The following PGR variants were observed in gnomAD, a reference collection of about 807,000 sequenced individuals.
The protein encoded by PGR is progesterone receptor.
PGR carries 25 observed loss-of-function variants against 76.1 expected under a neutral mutation model. That is an observed-to-expected ratio of 0.33 (90% confidence interval 0.24 to 0.46). The LOEUF (loss-of-function observed/expected upper bound fraction) is 0.46. PGR is among the 20% of genes least tolerant of loss of function. PGR has a pLI of 1.00. For missense variants in PGR, 1,172 were observed against 1,225.3 expected, an observed-to-expected ratio of 0.96 and a Z score of 0.65; for synonymous variants, 579 against 535.0, an observed-to-expected ratio of 1.08 and a Z score of -1.14.
intron 3 of PGR, among the ~76,000 whole-genome samples, chr11:101,077,753 G>T (rs1011936593): frequency 2.0e-5 from 3 of 152,168 alleles, no homozygotes; most frequent in Non-Finnish European, 4.4e-5. Context: ...AGACTGATGA[G>T]AAGGACATCA....
chr11:101,054,998 G>A (rs1860236394), intron 4 of PGR, among the ~76,000 whole-genome samples: 1 of 151,916 alleles, frequency 6.6e-6, no homozygotes, highest in Non-Finnish European at 1.5e-5. Context: ...TAGAACTGAA[G>A]TATAAAAAAT....
Position 101,128,517 on chromosome 11 carries a change from A to G in PGR, c.554T>C (p.Leu185Pro), listed in dbSNP as rs1163518231. The G allele has an allele frequency of 6.2e-7, 1 of 1,603,026 alleles. No homozygotes were observed. Among genetic ancestry groups the G allele is most frequent in the Non-Finnish European group, 8.5e-7 (1 of 1,177,950 alleles). The change falls in exon 1 of 8, where the codon CTG (leucine) becomes CCG (proline). Residue 185 changes from leucine to proline, a missense_variant. This residue lies in a region of PGR where 893 missense variants were observed against 785.9 expected (regional missense o/e 1.14). Transcript: ENST00000325455. ...CCGGGCTGGTGACAGGCCCCGGGGC[A>G]GCACTTTATGGGCAGCTGCCGTCCC... ...SSGTAAAHKVLPRGLSPARQL... is the reference protein window; with the variant it reads ...SSGTAAAHKVPPRGLSPARQL...
intron 2 of PGR, among the ~76,000 whole-genome samples, chr11:101,105,686 C>T (rs973995005): frequency 6.6e-6 from 1 of 152,082 alleles, no homozygotes; most frequent in African/African-American, 2.4e-5. Context: ...TTATCCCCAT[C>T]AAGCTACCAC....
intron 3 of PGR, among the ~76,000 whole-genome samples, chr11:101,077,179 C>T (rs1861156981): frequency 6.6e-6 from 1 of 151,998 alleles, no homozygotes; most frequent in Non-Finnish European, 1.5e-5. Flanking sequence ...AATTTATAGA[C>T]AGTCATCCTT....
At chr11:101,126,229 A>G in intron 1 of PGR, 71 bp from the exon 2 acceptor site, 1 of 1,408,090 alleles carries the variant, frequency 7.1e-7, no homozygotes, top group East Asian at 2.3e-5. Context: ...GGTTTCTTAA[A>G]CCAGTATTAA....
chr11:101,104,247 G>A (rs1487263245), intron 2 of PGR, among the ~76,000 whole-genome samples: 1 of 152,068 alleles, frequency 6.6e-6, no homozygotes, highest in Non-Finnish European at 1.5e-5. Flanking sequence ...GGATATTTAT[G>A]GGTTGCATAT....
chr11:101,092,475 T>G (rs2135457804), intron 2 of PGR, among the ~76,000 whole-genome samples: 1 of 152,234 alleles, frequency 6.6e-6, no homozygotes, highest in South Asian at 2.1e-4. Flanking sequence ...GAAAATACCT[T>G]GAACAGAAAT....
chr11:101,078,921 T>C lies in PGR; in HGVS notation c.1906+12839A>G, dbSNP rs180869911. 1.1e-4 allele frequency among the ~76,000 whole-genome samples: 16 copies of C among 152,174 alleles called. 1 individual carries two copies. Among genetic ancestry groups the C allele is most frequent in the Admixed American group, 9.8e-4 (15 of 15,272 alleles). On this transcript the variant is annotated intron_variant, in intron 3 of 7. Transcript: ENST00000325455. ...CTTAACCATAACAGCATGATATTGG[T>C]ATAAAAACAGACACAAAGACCAATG...
intron 4 of PGR, among the ~76,000 whole-genome samples, chr11:101,057,449 T>A (rs1860334671): frequency 6.6e-6 from 1 of 152,104 alleles, no homozygotes; most frequent in Non-Finnish European, 1.5e-5. Context: ...CCCTTGGATA[T>A]TGAGGCCATG....
intron 2 of PGR, among the ~76,000 whole-genome samples, chr11:101,114,806 G>A (rs1011733753): frequency 6.6e-6 from 1 of 151,906 alleles, no homozygotes; most frequent in African/African-American, 2.4e-5. Flanking sequence ...TCCCCAGACT[G>A]TTTTCCTTGT....
chr11:101,044,026 CT>C (rs1737184703), intron 6 of PGR, among the ~76,000 whole-genome samples: 1 of 152,160 alleles, frequency 6.6e-6, no homozygotes, highest in African/African-American at 2.4e-5. Context: ...TCATTAGCCC[CT>C]AACAAGAGAG....
intron 2 of PGR, among the ~76,000 whole-genome samples, chr11:101,122,766 A>C: frequency 6.6e-6 from 1 of 152,076 alleles, no homozygotes; most frequent in East Asian, 1.9e-4. Flanking sequence ...AGTCATCCAG[A>C]ATGACTTTAT....
intron 2 of PGR, among the ~76,000 whole-genome samples, chr11:101,092,357 G>GA (rs1861701693): frequency 6.6e-6 from 1 of 152,088 alleles, no homozygotes; most frequent in South Asian, 2.1e-4. Context: ...AGTTCTATTG[G>GA]AAAAATCCCA....
Position 101,051,543 on chromosome 11 carries a change from G to T in PGR, c.2238C>A (p.Asp746Glu), listed in dbSNP as rs199796213. The T allele has an allele frequency of 6.2e-7, 1 of 1,609,110 alleles. No homozygotes were observed. The highest frequency in any genetic ancestry group is 8.5e-7 in the Non-Finnish European group (1 of 1,175,942). The part of the protein sequence containing the change: ...LPGFRNLHID[D>E]QITLIQYSWM... ...AAGAATACTGAATGAGAGTTATCTG[G>T]TCATCAATATGTAAGTTTCGAAAAC... The change falls in exon 5 of 8, where the codon GAC becomes GAA. Residue 746 changes from aspartate to glutamate, a missense_variant. Asp to Glu is a conservative substitution (Grantham distance 45, BLOSUM62 2). This residue lies in a region of PGR where 166 missense variants were observed against 296.0 expected (regional missense o/e 0.56). Coordinates refer to ENST00000325455, the MANE Select transcript of PGR (RefSeq NM_000926.4).
At chr11:101,055,381 A>T (rs1242086375) in intron 4 of PGR, among the ~76,000 whole-genome samples, 1 of 133,836 alleles carries the variant, frequency 7.5e-6, no homozygotes, top group Non-Finnish European at 1.5e-5. Flanking sequence ...GTGCCACTGC[A>T]CTCCAGCCTG....
At chr11:101,110,747 TAC>T (rs1339609757) in intron 2 of PGR, among the ~76,000 whole-genome samples, 1 of 152,184 alleles carries the variant, frequency 6.6e-6, no homozygotes, top group Non-Finnish European at 1.5e-5. Flanking sequence ...CATTGCATAC[TAC>T]AGAGTAATCT....
At position 101,043,306 on chromosome 11, in the gene PGR, T is replaced by A. The variant is rs1859757404; in HGVS notation, c.2489-1204A>T. On this transcript the variant is annotated intron_variant, in intron 6 of 7. Transcript: ENST00000325455. Reference sequence around the variant, plus strand: ...TCTTTGCTCATCCATAAGAAACAACTCCTCATCTTTCAAGTTTTACCACGA... The same window carrying A: ...TCTTTGCTCATCCATAAGAAACAACACCTCATCTTTCAAGTTTTACCACGA... Among the ~76,000 whole-genome samples the A allele has an allele frequency of 2.0e-5, 3 of 152,182 alleles. No homozygotes were observed. In the South Asian group the frequency reaches 6.2e-4, roughly 31 times the overall value.
intron 2 of PGR, among the ~76,000 whole-genome samples, chr11:101,118,290 A>G (rs1862570731): frequency 6.6e-6 from 1 of 152,252 alleles, no homozygotes; most frequent in African/African-American, 2.4e-5. Context: ...AAGAGACATT[A>G]GAAGAGTACC....
chr11:101,078,633 G>C (rs143896508), intron 3 of PGR, among the ~76,000 whole-genome samples: 5 of 152,294 alleles, frequency 3.3e-5, no homozygotes, highest in Non-Finnish European at 7.4e-5. Context: ...TCAAGGTAGG[G>C]AAGTGATTCA....
Sources: allele counts gnomAD v4.1 joint callset (sites outside exome capture counted in the v4.1 genomes callset), GRCh38; gene constraint gnomAD v4.1.1; regional missense constraint gnomAD v4.1.1; transcripts MANE v1.5; gene names NCBI Gene and HGNC (gene_info 2026-07-23, HGNC 2026-07-21).